Variants in NDST4 observed in about 807,000 individuals in gnomAD.
NDST4 encodes the protein N-heparan sulfate sulfotransferase 4.
NDST4 carries 63 observed loss-of-function variants against 100.8 expected under a neutral mutation model. The ratio of observed to expected loss-of-function variants is 0.62; its 90% confidence interval spans 0.51 to 0.77. NDST4 has a LOEUF of 0.77. Among genes scored for constraint, NDST4 ranks in the 30% least tolerant of loss-of-function variants. The pLI is 0.00. For synonymous variants in NDST4, 377 were observed against 361.8 expected, an observed-to-expected ratio of 1.04 and a Z score of -0.48; for missense variants, 943 against 1,018.4, an observed-to-expected ratio of 0.93 and a Z score of 1.01.
intron 6 of NDST4, among the ~76,000 whole-genome samples, chr4:114,934,768 TAATAAG>T (rs143643412): frequency 0.025 from 3,857 of 151,978 alleles, 57 homozygotes; most frequent in Non-Finnish European, 0.03. Flanking sequence ...GTTACAAAAA[TAATAAG>T]AATGAGAGAT....
intron 6 of NDST4, among the ~76,000 whole-genome samples, chr4:114,892,242 T>C (rs1228396161): frequency 2.0e-5 from 3 of 152,168 alleles, no homozygotes; most frequent in African/African-American, 7.2e-5. Flanking sequence ...ATTTAAGAGT[T>C]GGTAATACAT....
intron 2 of NDST4, among the ~76,000 whole-genome samples, chr4:115,050,926 C>G (rs534589650): frequency 6.6e-6 from 1 of 152,024 alleles, no homozygotes; most frequent in African/African-American, 2.4e-5. Context: ...GAACTCTATT[C>G]CAGGAGAAAA....
At chr4:114,935,396 C>T in intron 5 of NDST4, 62 bp from the exon 6 acceptor site, 7 of 1,415,308 alleles carry the variant, frequency 4.9e-6, no homozygotes, top group Non-Finnish European at 6.5e-6. Context: ...TCACCTGTGT[C>T]TCATAACTTT....
chr4:114,903,286 T>C (rs1401166976), intron 6 of NDST4, among the ~76,000 whole-genome samples: 1 of 152,124 alleles, frequency 6.6e-6, no homozygotes, highest in Non-Finnish European at 1.5e-5. Flanking sequence ...TTCTCTGCCA[T>C]ATTTCAAAAT....
At chr4:114,840,767 C>T (rs1479461946) in intron 10 of NDST4, among the ~76,000 whole-genome samples, 1 of 151,996 alleles carries the variant, frequency 6.6e-6, no homozygotes, top group Non-Finnish European at 1.5e-5. Flanking sequence ...TATACTGGTC[C>T]GTGCTATGAC....
At chr4:115,060,138 A>C (rs746324404) in intron 2 of NDST4, among the ~76,000 whole-genome samples, 13 of 151,998 alleles carry the variant, frequency 8.6e-5, no homozygotes, top group Non-Finnish European at 1.5e-4. Flanking sequence ...AAGGGGAATT[A>C]ATTTATACTG....
chr4:114,972,491 G>C (rs1302725244), intron 3 of NDST4, among the ~76,000 whole-genome samples: 1 of 151,926 alleles, frequency 6.6e-6, no homozygotes, highest in Non-Finnish European at 1.5e-5. Flanking sequence ...TTAGCTAACA[G>C]TGTTAGTATT....
At chr4:114,997,212 C>T (rs938980409) in intron 2 of NDST4, among the ~76,000 whole-genome samples, 1 of 152,052 alleles carries the variant, frequency 6.6e-6, no homozygotes, top group Non-Finnish European at 1.5e-5. Flanking sequence ...AACTAGTATT[C>T]CCACTAACTA....
intron 1 of NDST4, among the ~76,000 whole-genome samples, chr4:115,092,851 T>TTTAGG (rs1417311963): frequency 1.3e-5 from 2 of 152,122 alleles, no homozygotes; most frequent in Non-Finnish European, 2.9e-5. Flanking sequence ...AATAGGTCTG[T>TTTAGG]TTAGGTTAGT....
chr4:114,921,875 C>T (rs1362658222), intron 6 of NDST4, among the ~76,000 whole-genome samples: 1 of 152,112 alleles, frequency 6.6e-6, no homozygotes, highest in Non-Finnish European at 1.5e-5. Flanking sequence ...ACTCACTCCC[C>T]TGCTGTCCCT....
chr4:114,897,911 G>T (rs148685722), intron 6 of NDST4, among the ~76,000 whole-genome samples: 1 of 152,142 alleles, frequency 6.6e-6, no homozygotes, highest in Non-Finnish European at 1.5e-5. Context: ...AAATCTGGTT[G>T]TTTCTTTATT....
intron 6 of NDST4, among the ~76,000 whole-genome samples, chr4:114,922,875 T>A (rs2126219752): frequency 6.6e-6 from 1 of 152,318 alleles, no homozygotes; most frequent in African/African-American, 2.4e-5. Context: ...AGATAGTCAC[T>A]AAACAGGTAC....
intron 8 of NDST4, 74 bp from the exon 9 acceptor site, chr4:114,848,412 A>C: frequency 8.5e-7 from 1 of 1,171,832 alleles, no homozygotes; most frequent in Non-Finnish European, 1.2e-6. Context: ...ATTTTTGCTC[A>C]AAAAGTAATA....
At chr4:114,844,538 G>A (rs1453455202) in intron 10 of NDST4, among the ~76,000 whole-genome samples, 4 of 152,050 alleles carry the variant, frequency 2.6e-5, no homozygotes, top group Non-Finnish European at 4.4e-5. Flanking sequence ...CTCACTCAGG[G>A]AATATCTACT....
At chr4:115,105,236 T>A (rs1729811934) in intron 1 of NDST4, among the ~76,000 whole-genome samples, 1 of 152,180 alleles carries the variant, frequency 6.6e-6, no homozygotes, top group South Asian at 2.1e-4. Context: ...TTCTTTAAAA[T>A]TTAGAAGTTT....
chr4:115,069,637 T>C (rs1729029978), intron 2 of NDST4, among the ~76,000 whole-genome samples: 1 of 152,168 alleles, frequency 6.6e-6, no homozygotes, highest in Non-Finnish European at 1.5e-5. Context: ...GCTTCATGCC[T>C]GTAATCCCAG....
At chr4:114,859,152 A>G (rs1350086877) in intron 7 of NDST4, among the ~76,000 whole-genome samples, 1 of 152,172 alleles carries the variant, frequency 6.6e-6, no homozygotes, top group Admixed American at 6.5e-5. Context: ...AGTCATCTTT[A>G]TCTAAACACA....
intron 2 of NDST4, among the ~76,000 whole-genome samples, chr4:114,979,173 T>C (rs1170522371): frequency 2.0e-5 from 3 of 151,882 alleles, no homozygotes; most frequent in Non-Finnish European, 4.4e-5. Flanking sequence ...CAGCTCCCAA[T>C]GCCATTTCCC....
chr4:115,082,964 A>C (rs2126292064), intron 1 of NDST4, among the ~76,000 whole-genome samples: 1 of 152,320 alleles, frequency 6.6e-6, no homozygotes, highest in Middle Eastern at 3.4e-3. Context: ...GATTTGAAAG[A>C]GCTGTGTTGT....
Sources: allele counts gnomAD v4.1 joint callset (sites outside exome capture counted in the v4.1 genomes callset), GRCh38; gene constraint gnomAD v4.1.1; transcripts MANE v1.5; gene names NCBI Gene and HGNC (gene_info 2026-07-23, HGNC 2026-07-21).